OTOA: variants seen among roughly 807,000 people sequenced by gnomAD.
OTOA encodes otoancorin.
OTOA carries 70 observed loss-of-function variants against 110.8 expected under a neutral mutation model. That is an observed-to-expected ratio of 0.63 (90% CI 0.52 to 0.77). The LOEUF (loss-of-function observed/expected upper bound fraction) is 0.77. Among genes scored for constraint, OTOA ranks in the 30% least tolerant of loss-of-function variants. OTOA has a pLI of 0.00. For synonymous variants in OTOA, 373 were observed against 431.5 expected, an observed-to-expected ratio of 0.86 and a Z score of 1.68; for missense variants, 917 against 1,075.8, an observed-to-expected ratio of 0.85 and a Z score of 2.06.
At chr16:21,759,277 C>A (rs1414503968) in intron 28 of OTOA, among the ~76,000 whole-genome samples, 1 of 151,966 alleles carries the variant, frequency 6.6e-6, no homozygotes, top group Non-Finnish European at 1.5e-5. Context: ...CACAGCAAAT[C>A]AAATATAGAT....
At chr16:21,672,622 C>CAAA (rs3054190) in intron 1 of OTOA, among the ~76,000 whole-genome samples, 9,013 of 91,832 alleles carry the variant, frequency 0.098, 371 homozygotes, top group Middle Eastern at 0.15. Flanking sequence ...GACTCCATCT[C>CAAA]AAAAAAAAAA....
chr16:21,665,899 C>T (rs573289470), intron 1 of OTOA, among the ~76,000 whole-genome samples: 9 of 151,886 alleles, frequency 5.9e-5, no homozygotes, highest in East Asian at 1.9e-4. Context: ...CATGTGATCG[C>T]GGCTCACTGT....
chr16:21,691,808 G>A, intron 9 of OTOA, 121 bp downstream of exon 9: 1 of 906,048 alleles, frequency 1.1e-6, no homozygotes. Context: ...ACCTCCCACT[G>A]CTTCGAAAAA....
intron 12 of OTOA, chr16:21,705,564 C>T (rs1898147454): frequency 2.2e-6 from 1 of 461,818 alleles, no homozygotes; most frequent in Non-Finnish European, 4.0e-6. Flanking sequence ...AATCCCAGCA[C>T]TTTGGGAGGC....
intron 13 of OTOA, among the ~76,000 whole-genome samples, chr16:21,714,243 TCTTTCTTTTTTC>T (rs1199342365): frequency 1.1e-4 from 12 of 112,250 alleles, no homozygotes; most frequent in African/African-American, 4.0e-4. Context: ...TTCTTTCCTT[TCTTTCTTTTTTC>T]TTTCTTTCTT....
chr16:21,701,100 C>T, intron 11 of OTOA, 73 bp downstream of exon 11: 1 of 1,601,538 alleles, frequency 6.2e-7, no homozygotes, highest in Non-Finnish European at 8.5e-7. Flanking sequence ...CTCTGAGCAG[C>T]AAAACACCCA....
intron 13 of OTOA, among the ~76,000 whole-genome samples, chr16:21,713,454 G>A (rs889931461): frequency 2.6e-5 from 4 of 152,106 alleles, no homozygotes; most frequent in East Asian, 1.9e-4. Context: ...CCTCCATCGC[G>A]GGGCCAAGGG....
At chr16:21,666,243 ATT>A (rs61085785) in intron 1 of OTOA, among the ~76,000 whole-genome samples, 94 of 128,866 alleles carry the variant, frequency 7.3e-4, no homozygotes, top group African/African-American at 8.2e-4. Context: ...ATGAAATGGC[ATT>A]TTTTTTTTTT....
chr16:21,690,788 A>T (rs1010127118), intron 8 of OTOA, among the ~76,000 whole-genome samples: 11 of 151,996 alleles, frequency 7.2e-5, no homozygotes, highest in African/African-American at 2.7e-4. Flanking sequence ...ACAATGGTTG[A>T]ACCAATTTAC....
chr16:21,711,809 CA>C (rs1898366648), intron 13 of OTOA, among the ~76,000 whole-genome samples: 1 of 152,098 alleles, frequency 6.6e-6, no homozygotes, highest in African/African-American at 2.4e-5. Context: ...GGCCACTTCC[CA>C]GGATGCAAAC....
chr16:21,712,202 C>A (rs974058234), intron 13 of OTOA, among the ~76,000 whole-genome samples: 4 of 151,936 alleles, frequency 2.6e-5, no homozygotes, highest in Admixed American at 2.6e-4. Flanking sequence ...TGGTGCACAC[C>A]CGTAATTTCA....
At chr16:21,754,054 A>ATC (rs1202374758) in intron 27 of OTOA, among the ~76,000 whole-genome samples, 2 of 134,780 alleles carry the variant, frequency 1.5e-5, no homozygotes, top group East Asian at 2.3e-4. Context: ...GAGCGAAACC[A>ATC]TCTCTCTCTC....
At chr16:21,759,195 C>T (rs575224918) in intron 28 of OTOA, among the ~76,000 whole-genome samples, 1 of 152,188 alleles carries the variant, frequency 6.6e-6, no homozygotes, top group Non-Finnish European at 1.5e-5. Context: ...CCCCCAGCCA[C>T]CCTGTTCCCT....
In OTOA at chr16:21,726,621, A is replaced by G. The variant is rs1898926779; in HGVS notation, c.1979A>G (p.Lys660Arg). ...WLDSLVLDSH[K>R]KTSVLRKVQQ... ...GACTCCTTGGTTTTAGATTCCCACA[A>G]AAAGACTTCAGTCCTCAGGAAAGTG... The change falls in exon 19 of 29, where the codon AAA becomes AGA. Residue 660 changes from lysine to arginine, a missense_variant. Coordinates refer to ENST00000646100, the MANE Select transcript of OTOA (RefSeq NM_144672.4). 6.2e-7 allele frequency: 1 copy of G among 1,614,022 alleles called. No individual in the cohort carries two copies. Among genetic ancestry groups the G allele is most frequent in the Non-Finnish European group, 8.5e-7 (1 of 1,179,992 alleles).
chr16:21,705,239 T>C lies in OTOA; in HGVS notation c.1051T>C (p.Tyr351His). ...TGCCACTGTGGCTCAAGTCCTGCTT[T>C]ACCAGATGATCAAGTGCAGCCACCT... ...LDATVAQVLL[Y>H]QMIKCSHLRG... is the part of the protein sequence containing the mutation. Residue 351 changes from tyrosine (Y) to histidine (H), a missense_variant, in exon 12 of 29, where the codon TAC becomes CAC. Physicochemically the swap from Tyr to His is moderately conservative, Grantham distance 83. Around this residue, in one of 6 missense-constraint regions of OTOA, gnomAD observed 840 missense variants for 910.2 expected, o/e 0.92. Transcript: ENST00000646100. 1 of 1,614,164 alleles carries C rather than the reference T, an allele frequency of 6.2e-7. No homozygotes were observed. Among genetic ancestry groups the C allele is most frequent in the Non-Finnish European group, 8.5e-7 (1 of 1,180,018 alleles).
intron 18 of OTOA, among the ~76,000 whole-genome samples, chr16:21,723,527 C>A (rs1486847209): frequency 6.6e-6 from 1 of 151,520 alleles, no homozygotes; most frequent in Non-Finnish European, 1.5e-5. Context: ...TTTAGAAATT[C>A]CTATTAATTT....
chr16:21,711,732 G>A (rs1323342885), intron 13 of OTOA, among the ~76,000 whole-genome samples: 2 of 152,146 alleles, frequency 1.3e-5, no homozygotes, highest in East Asian at 3.9e-4. Context: ...CTCCCAAAGT[G>A]CTGGGATTAC....
chr16:21,759,759 G>C (rs957152635), intron 28 of OTOA, among the ~76,000 whole-genome samples: 9 of 151,998 alleles, frequency 5.9e-5, no homozygotes, highest in Non-Finnish European at 1.2e-4. Context: ...AAATTAGCCA[G>C]GTGTGGTGGC....
Position 21,709,407 on chromosome 16 carries a change from C to A in OTOA, c.1105-481C>A, listed in dbSNP as rs145085036. ...CCAAGACCACACCATTATACTCCAG[C>A]CTGGGTGACAAGAGCAAAACTCTGT... On this transcript the variant is annotated intron_variant, in intron 12 of 28. Coordinates refer to ENST00000646100, the MANE Select transcript of OTOA (RefSeq NM_144672.4). Among the ~76,000 whole-genome samples the A allele has an allele frequency of 2.0e-3, 307 of 151,930 alleles. 3 individuals carry two copies. Among genetic ancestry groups the A allele is most frequent in the Middle Eastern group, 0.017 (5 of 294 alleles).
Sources: gnomAD v4.1 joint callset for allele counts (sites outside exome capture counted in the v4.1 genomes callset) on GRCh38, gnomAD v4.1.1 for gene constraint, gnomAD v4.1.1 regional missense constraint, MANE v1.5 for transcripts, NCBI Gene and HGNC (gene_info 2026-07-23, HGNC 2026-07-21) for gene names.